Variants in OR9Q1 observed in about 807,000 individuals in gnomAD.
OR9Q1 encodes olfactory receptor family 9 subfamily Q member 1.
For missense variants in OR9Q1, 374 were observed against 378.8 expected (o/e 0.99, Z 0.11); for synonymous variants, 153 against 148.6 (o/e 1.03, Z -0.22).
intron 2 of OR9Q1, among the ~76,000 whole-genome samples, chr11:58,097,598 T>C (rs536448534): frequency 6.6e-6 from 1 of 152,224 alleles, no homozygotes; most frequent in Non-Finnish European, 1.5e-5. Context: ...ATTCCACTCC[T>C]AGCTATTTGC....
chr11:58,140,903 T>C (rs1854241691), intron 2 of OR9Q1, among the ~76,000 whole-genome samples: 1 of 152,240 alleles, frequency 6.6e-6, no homozygotes, highest in Non-Finnish European at 1.5e-5. Flanking sequence ...ACGATACTGA[T>C]TCTTCTTACC....
At chr11:58,034,769 T>TCCTTCCTTCCTTCCTTCCTTCCTTC (rs58499677) in intron 1 of OR9Q1, among the ~76,000 whole-genome samples, 1 of 19,650 alleles carries the variant, frequency 5.1e-5, no homozygotes, top group African/African-American at 1.3e-4. Flanking sequence ...CTTCCTTCCT[T>TCCTTCCTTCCTTCCTTCCTTCCTTC]CTTCCTTCCC....
intron 2 of OR9Q1, among the ~76,000 whole-genome samples, chr11:58,163,208 A>G (rs1165591391): frequency 6.6e-6 from 1 of 152,214 alleles, no homozygotes; most frequent in Non-Finnish European, 1.5e-5. Flanking sequence ...CCTGAATTTT[A>G]TCCTGGTATG....
intron 2 of OR9Q1, among the ~76,000 whole-genome samples, chr11:58,156,156 A>C (rs907796717): frequency 2.6e-5 from 4 of 151,682 alleles, no homozygotes; most frequent in Admixed American, 6.6e-5. Flanking sequence ...CAGGTGATCC[A>C]CCCGCCTCGG....
chr11:58,124,069 AGGCAATTTCCAAAATATTTCCCAGAG>A (rs1198052070), intron 2 of OR9Q1, among the ~76,000 whole-genome samples: 1 of 152,202 alleles, frequency 6.6e-6, no homozygotes, highest in Admixed American at 6.5e-5. Context: ...TTTTTCAGAC[AGGCAATTTCCAAAATATTTCCCAGAG>A]GGAAAAATTT....
chr11:58,029,384 T>C (rs1196002437), intron 1 of OR9Q1, among the ~76,000 whole-genome samples: 1 of 152,102 alleles, frequency 6.6e-6, no homozygotes, highest in Non-Finnish European at 1.5e-5. Flanking sequence ...GAAACTGGGG[T>C]TTCCAAGTCC....
chr11:58,085,305 T>A (rs1384541893), intron 2 of OR9Q1, among the ~76,000 whole-genome samples: 1 of 151,914 alleles, frequency 6.6e-6, no homozygotes, highest in Non-Finnish European at 1.5e-5. Context: ...GACATATACA[T>A]ACCTGTGAGA....
intron 2 of OR9Q1, among the ~76,000 whole-genome samples, chr11:58,092,627 C>A (rs1853695318): frequency 6.6e-6 from 1 of 152,132 alleles, no homozygotes; most frequent in Admixed American, 6.6e-5. Context: ...AATTACATGT[C>A]ATGCACTGCT....
At chr11:58,148,010 A>G (rs956725719) in intron 2 of OR9Q1, among the ~76,000 whole-genome samples, 1 of 152,110 alleles carries the variant, frequency 6.6e-6, no homozygotes, top group African/African-American at 2.4e-5. Context: ...TTTTAGCTAT[A>G]ATATTTTGGC....
intron 2 of OR9Q1, among the ~76,000 whole-genome samples, chr11:58,108,120 A>G (rs188435639): frequency 1.3e-5 from 2 of 152,292 alleles, no homozygotes; most frequent in Admixed American, 1.3e-4. Context: ...ACCATTTAGG[A>G]AGACATTAGA....
chr11:58,082,388 C>A (rs1025351050), intron 2 of OR9Q1, among the ~76,000 whole-genome samples: 1 of 151,926 alleles, frequency 6.6e-6, no homozygotes, highest in Admixed American at 6.6e-5. Flanking sequence ...AAATGAGGCA[C>A]ATATACACCA....
intron 2 of OR9Q1, among the ~76,000 whole-genome samples, chr11:58,151,147 C>T (rs2441986): frequency 0.72 from 109,111 of 152,102 alleles, 39,429 homozygotes; most frequent in East Asian, 0.88. Context: ...TATCCAGTTT[C>T]CCTAGCATCG....
In OR9Q1 at chr11:58,180,203, C is replaced by T; in HGVS notation, c.759C>T (p.Thr253=). The change falls in exon 3 of 3, where the codon ACC becomes ACT. Residue 253 remains threonine (T), a synonymous_variant. Coordinates refer to ENST00000335397, the MANE Select transcript of OR9Q1 (RefSeq NM_001005212.4). ...HLTAVSLFFG[T]LIFMYLRGNS... is the part of the protein sequence containing the mutation. ...CTGCTGTGTCACTCTTCTTTGGTAC[C>T]CTCATCTTCATGTACTTGAGAGGTA... is the stretch of plus-strand genomic sequence containing the variant. 6.2e-7 allele frequency: 1 copy of T among 1,614,024 alleles called. No homozygotes were observed.
At chr11:58,075,678 G>T (rs1239000270) in intron 2 of OR9Q1, among the ~76,000 whole-genome samples, 1 of 152,186 alleles carries the variant, frequency 6.6e-6, no homozygotes, top group Non-Finnish European at 1.5e-5. Context: ...CTAGCACCTT[G>T]ATCTTTGACT....
At chr11:58,147,357 A>G (rs1423176581) in intron 2 of OR9Q1, among the ~76,000 whole-genome samples, 2 of 152,178 alleles carry the variant, frequency 1.3e-5, no homozygotes, top group Non-Finnish European at 2.9e-5. Context: ...TTCTTAAGGG[A>G]TCAGCATGTT....
chr11:58,137,508 T>G (rs1443366924), intron 2 of OR9Q1, among the ~76,000 whole-genome samples: 1 of 152,164 alleles, frequency 6.6e-6, no homozygotes, highest in African/African-American at 2.4e-5. Flanking sequence ...GCCAAAAAAT[T>G]TATTTAACTT....
intron 2 of OR9Q1, among the ~76,000 whole-genome samples, chr11:58,107,088 C>T (rs990211111): frequency 6.6e-6 from 1 of 151,556 alleles, no homozygotes; most frequent in African/African-American, 2.4e-5. Context: ...ATTAAGTTTT[C>T]CAATTAATGA....
At chr11:58,171,182 T>C (rs1411582803) in intron 2 of OR9Q1, 1 of 152,234 alleles carries the variant, frequency 6.6e-6, no homozygotes, top group African/African-American at 2.4e-5. Flanking sequence ...CCTTGCTTTA[T>C]GACACCATCA....
intron 1 of OR9Q1, among the ~76,000 whole-genome samples, chr11:58,034,074 CTTTTTTTT>C (rs61109050): frequency 9.8e-5 from 6 of 61,116 alleles, no homozygotes; most frequent in Non-Finnish European, 1.5e-4. Flanking sequence ...TCAGCACTTG[CTTTTTTTT>C]TTTTTTTTTT....
Sources: gnomAD v4.1 joint callset for allele counts (sites outside exome capture counted in the v4.1 genomes callset) on GRCh38, gnomAD v4.1.1 for gene constraint, MANE v1.5 for transcripts, NCBI Gene and HGNC (gene_info 2026-07-23, HGNC 2026-07-21) for gene names.